RAI2: variants seen among roughly 807,000 people sequenced by gnomAD.
RAI2 encodes the protein retinoic acid induced 2.
RAI2 carries 5 observed loss-of-function variants against 15.3 expected under a neutral mutation model. That is an observed-to-expected ratio of 0.33 (90% confidence interval 0.17 to 0.69). The LOEUF is 0.69. RAI2 is among the 30% of genes least tolerant of loss of function. RAI2 has a pLI of 0.69. For missense variants in RAI2, 424 were observed against 424.7 expected, an observed-to-expected ratio of 1.00 and a Z score of 0.01; for synonymous variants, 191 against 184.0, an observed-to-expected ratio of 1.04 and a Z score of -0.31.
In RAI2 at chrX:17,837,904, G is replaced by A. The variant is rs2067353328; in HGVS notation, c.-25+23194C>T. On this transcript the variant is annotated intron_variant, in intron 1 of 1. Coordinates refer to ENST00000451717, the MANE Select transcript of RAI2 (RefSeq NM_021785.6). ...ATTTGTAGCAGCTTTATTTGCAATA[G>A]CCCTGAACTGGAAACCACCCAGATG... 3.6e-5 allele frequency among the ~76,000 whole-genome samples: 4 copies of A among 112,079 alleles called. No homozygotes were observed. The Admixed American group carries it at 3.8e-4, about 11-fold the overall frequency.
intron 1 of RAI2, among the ~76,000 whole-genome samples, chrX:17,819,076 G>A (rs920510426): frequency 3.6e-5 from 4 of 111,513 alleles, no homozygotes; most frequent in Non-Finnish European, 5.7e-5. Flanking sequence ...CTAGTTCCCC[G>A]CTCTAGGGCT....
intron 1 of RAI2, among the ~76,000 whole-genome samples, chrX:17,834,480 G>A (rs968424436): frequency 5.5e-5 from 6 of 109,024 alleles, no homozygotes; most frequent in Admixed American, 3.0e-4. Context: ...TTTTTTTAAA[G>A]AAGACAGCAA....
At position 17,800,147 on chromosome X, in the gene RAI2, C is replaced by T. The variant is rs1601894665; in HGVS notation, c.*271G>A. On this transcript the variant is annotated 3_prime_UTR_variant, in exon 2 of 2. Transcript: ENST00000451717. ...GTGGCAATGAAAATAGCTTTTTTTACCCCTCTAATTCACCCAATATTCCAT... is the reference window on the plus strand; with the variant it reads ...GTGGCAATGAAAATAGCTTTTTTTATCCCTCTAATTCACCCAATATTCCAT... 2 of 286,139 alleles carry T rather than the reference C, an allele frequency of 7.0e-6. No individual in the cohort carries two copies. The highest frequency in any genetic ancestry group is 1.1e-4 in the East Asian group (2 of 17,955). 23.6% of individuals were successfully genotyped at this position (286,139 alleles called of 1,213,427 possible).
chrX:17,821,568 AAGAGAG>A (rs377257611), intron 1 of RAI2, among the ~76,000 whole-genome samples: 1 of 106,859 alleles, frequency 9.4e-6, no homozygotes, highest in African/African-American at 3.5e-5. Context: ...GTGTGTGTGT[AAGAGAG>A]AGAGAGAGAG....
chrX:17,832,123 G>A (rs2067288284), intron 1 of RAI2, among the ~76,000 whole-genome samples: 1 of 112,036 alleles, frequency 8.9e-6, no homozygotes, highest in Admixed American at 9.4e-5. Flanking sequence ...ACCTTGCAAG[G>A]TGCATGGTCT....
rs2066894428 is a variant in RAI2 at position 17,800,727 on chromosome X, A to G, written c.1284T>C (p.Ile428=). 4.1e-6 allele frequency: 5 copies of G among 1,211,273 alleles called. No individual in the cohort carries two copies. Among genetic ancestry groups the G allele is most frequent in the Non-Finnish European group, 5.6e-6 (5 of 895,397 alleles). ...CCGCCTGGGACTCGCCCACCATCTC[A>G]ATGTTATTTTCAGCCTTGACTTCGC... The part of the protein sequence containing the change: ...PSGEVKAENN[I]EMVGESQAAK... Residue 428 remains isoleucine (I), a synonymous_variant, in exon 2 of 2, where the codon ATT becomes ATC. Coordinates refer to ENST00000451717, the MANE Select transcript of RAI2 (RefSeq NM_021785.6).
intron 1 of RAI2, among the ~76,000 whole-genome samples, chrX:17,815,323 GCACACACA>G (rs5901632): frequency 0.047 from 4,756 of 100,233 alleles, 177 homozygotes; most frequent in East Asian, 0.24. Context: ...GTGCACACGT[GCACACACA>G]CACACACACA....
At chrX:17,851,557 C>T (rs1404454386) in intron 1 of RAI2, among the ~76,000 whole-genome samples, 1 of 111,919 alleles carries the variant, frequency 8.9e-6, no homozygotes, top group African/African-American at 3.3e-5. Context: ...TTATAAAATG[C>T]AATAGGAAAT....
intron 1 of RAI2, among the ~76,000 whole-genome samples, chrX:17,835,521 C>G (rs748293729): frequency 7.1e-5 from 8 of 112,081 alleles, no homozygotes; most frequent in Non-Finnish European, 1.5e-4. Context: ...GTGCCCTCCA[C>G]ACAGATCAAC....
chrX:17,857,720 C>A (rs1432727483), intron 1 of RAI2, among the ~76,000 whole-genome samples: 2 of 111,519 alleles, frequency 1.8e-5, no homozygotes, highest in African/African-American at 6.5e-5. Context: ...CAATGATCTA[C>A]AGCCCCCTCC....
intron 1 of RAI2, among the ~76,000 whole-genome samples, chrX:17,817,626 A>G (rs2067121690): frequency 8.9e-6 from 1 of 112,238 alleles, no homozygotes; most frequent in Admixed American, 9.4e-5. Context: ...CCCATGTGAG[A>G]AGGTGGGGGT....
chrX:17,826,491 A>G (rs1303415459), intron 1 of RAI2, among the ~76,000 whole-genome samples: 1 of 111,294 alleles, frequency 9.0e-6, no homozygotes, highest in South Asian at 3.9e-4. Context: ...ACAATGCTCA[A>G]TGAATATTTA....
chrX:17,835,582 C>G (rs1345185905), intron 1 of RAI2, among the ~76,000 whole-genome samples: 1 of 111,776 alleles, frequency 8.9e-6, no homozygotes, highest in East Asian at 2.8e-4. Context: ...ATGCTGTAGG[C>G]CTTCAGATCA....
intron 1 of RAI2, among the ~76,000 whole-genome samples, chrX:17,833,311 C>A (rs929078290): frequency 9.0e-6 from 1 of 111,332 alleles, no homozygotes; most frequent in African/African-American, 3.3e-5. Flanking sequence ...CACTTGAGGC[C>A]AGGAGTTCGA....
intron 1 of RAI2, among the ~76,000 whole-genome samples, chrX:17,858,239 A>G (rs2067642284): frequency 8.9e-6 from 1 of 111,846 alleles, no homozygotes; most frequent in Non-Finnish European, 1.9e-5. Flanking sequence ...ATAACCACCA[A>G]AGTCTGAAAT....
chrX:17,853,155 A>T (rs1312981064), intron 1 of RAI2, among the ~76,000 whole-genome samples: 1 of 111,256 alleles, frequency 9.0e-6, no homozygotes, highest in African/African-American at 3.3e-5. Context: ...TCTTTATGAA[A>T]AACCAGAGAA....
At chrX:17,860,308 C>A (rs1172120503) in intron 1 of RAI2, among the ~76,000 whole-genome samples, 2 of 112,903 alleles carry the variant, frequency 1.8e-5, no homozygotes, top group Admixed American at 9.2e-5. Flanking sequence ...ACACACAGAG[C>A]ACAACCCCAA....
chrX:17,846,318 G>A, intron 1 of RAI2, among the ~76,000 whole-genome samples: 1 of 111,312 alleles, frequency 9.0e-6, no homozygotes, highest in East Asian at 2.8e-4. Flanking sequence ...TGTGTCTTAA[G>A]CACCCTCTCA....
chrX:17,800,222 T>C lies in RAI2; in HGVS notation c.*196A>G. The C allele has an allele frequency of 2.1e-6, 1 of 482,174 alleles. No individual in the cohort carries two copies. The highest frequency in any genetic ancestry group is 3.2e-6 in the Non-Finnish European group (1 of 317,078). 39.7% of individuals were successfully genotyped at this position (482,174 alleles called of 1,213,427 possible). ...TGCTTGAAAAATAGGTTGCTCTTAT[T>C]TACTCATTTGTGAAAAGTCAAAAAT... On this transcript the variant is annotated 3_prime_UTR_variant, in exon 2 of 2. Transcript: ENST00000451717.
Sources: allele counts gnomAD v4.1 joint callset (sites outside exome capture counted in the v4.1 genomes callset), GRCh38; gene constraint gnomAD v4.1.1; transcripts MANE v1.5; gene names NCBI Gene and HGNC (gene_info 2026-07-23, HGNC 2026-07-21).